Variants in DMTF1 observed in about 807,000 individuals in gnomAD.
DMTF1 encodes cyclin-D-binding Myb-like transcription factor 1.
Under a neutral mutation model 91.1 loss-of-function variants are expected in DMTF1, and 39 were observed. The ratio of observed to expected loss-of-function variants is 0.43; its 90% confidence interval spans 0.33 to 0.56. The LOEUF is 0.56. DMTF1 is among the 20% of genes least tolerant of loss of function. DMTF1 has a pLI of 0.05. For missense variants in DMTF1, 750 were observed against 914.5 expected, an observed-to-expected ratio of 0.82 and a Z score of 2.32; for synonymous variants, 338 against 309.5, an observed-to-expected ratio of 1.09 and a Z score of -0.97.
chr7:87,170,182 C>T (rs1794755424), intron 4 of DMTF1, among the ~76,000 whole-genome samples: 1 of 152,112 alleles, frequency 6.6e-6, no homozygotes, highest in Non-Finnish European at 1.5e-5. Flanking sequence ...TCTTTGTCTA[C>T]AAATCATAGT....
chr7:87,164,248 C>A (rs942541705), intron 2 of DMTF1: 1 of 152,086 alleles, frequency 6.6e-6, no homozygotes, highest in African/African-American at 2.4e-5. Flanking sequence ...CCTTTCCCCC[C>A]ACTAGCCATG....
intron 11 of DMTF1, among the ~76,000 whole-genome samples, chr7:87,185,480 GT>G (rs2129164481): frequency 6.6e-6 from 1 of 152,244 alleles, no homozygotes; most frequent in South Asian, 2.1e-4. Flanking sequence ...AAATGACTTA[GT>G]AAATGCCACA....
intron 7 of DMTF1, among the ~76,000 whole-genome samples, chr7:87,176,285 A>C (rs1430309129): frequency 1.3e-5 from 2 of 152,262 alleles, no homozygotes; most frequent in African/African-American, 4.8e-5. Flanking sequence ...ACAGAAATAC[A>C]GTGGCCATTG....
chr7:87,188,126 C>T lies in DMTF1; in HGVS notation c.1236C>T (p.Asn412=). ...AAGGTCTTAAACAGTTACATGAGAA[C>T]CAAAAAAACAACCCAACGCTTTTGG... is the stretch of plus-strand genomic sequence containing the variant. ...LIKGLKQLHE[N]QKNNPTLLEN... is the part of the protein sequence containing the mutation. Residue 412 remains asparagine, a synonymous_variant, in exon 13 of 18, where the codon AAC becomes AAT. Coordinates refer to ENST00000331242, the MANE Select transcript of DMTF1 (RefSeq NM_001142327.2). The T allele has an allele frequency of 6.2e-7, 1 of 1,613,738 alleles. No individual in the cohort carries two copies. The highest frequency in any genetic ancestry group is 8.5e-7 in the Non-Finnish European group (1 of 1,179,820).
At chr7:87,159,807 A>C (rs1170197505) in intron 1 of DMTF1, among the ~76,000 whole-genome samples, 1 of 152,262 alleles carries the variant, frequency 6.6e-6, no homozygotes, top group Non-Finnish European at 1.5e-5. Context: ...TACTGAGTAC[A>C]ATGTTAACAC....
intron 14 of DMTF1, among the ~76,000 whole-genome samples, chr7:87,191,459 C>T (rs549716523): frequency 6.6e-6 from 1 of 152,206 alleles, no homozygotes; most frequent in South Asian, 2.1e-4. Flanking sequence ...AGAGGTTAAG[C>T]ACAGTTACCA....
At chr7:87,164,054 TAAAAAAAAAAAAA>T (rs61634018) in intron 2 of DMTF1, among the ~76,000 whole-genome samples, 1 of 73,500 alleles carries the variant, frequency 1.4e-5, no homozygotes, top group East Asian at 4.1e-4. Flanking sequence ...ACGCCTTCTC[TAAAAAAAAAAAAA>T]AAAAAAAAAA....
chr7:87,185,698 C>T, intron 11 of DMTF1, 131 bp from the exon 12 acceptor site: 3 of 1,036,680 alleles, frequency 2.9e-6, no homozygotes, highest in Non-Finnish European at 4.3e-6. Flanking sequence ...TCCCGTGTAA[C>T]TTAACAATAG....
At chr7:87,184,305 G>T in intron 10 of DMTF1, 92 bp from the exon 11 acceptor site, 1 of 1,184,666 alleles carries the variant, frequency 8.4e-7, no homozygotes. Context: ...TAGTACTATT[G>T]CTTACTTCCT....
chr7:87,156,873 T>C (rs1382348007), intron 1 of DMTF1, among the ~76,000 whole-genome samples: 2 of 152,142 alleles, frequency 1.3e-5, no homozygotes, highest in East Asian at 3.8e-4. Flanking sequence ...TGGAGTTTTA[T>C]AATAACATAG....
At chr7:87,166,113 C>T (rs1296560176) in intron 3 of DMTF1, among the ~76,000 whole-genome samples, 1 of 152,196 alleles carries the variant, frequency 6.6e-6, no homozygotes, top group African/African-American at 2.4e-5. Flanking sequence ...TTACCTCCTG[C>T]CGCATTTCAT....
intron 1 of DMTF1, among the ~76,000 whole-genome samples, chr7:87,155,055 A>C (rs1790319823): frequency 6.6e-6 from 1 of 152,220 alleles, no homozygotes. Context: ...TGCTTCATTA[A>C]GTGCATTGGC....
chr7:87,177,193 T>G (rs1796436918), intron 7 of DMTF1, among the ~76,000 whole-genome samples: 1 of 152,230 alleles, frequency 6.6e-6, no homozygotes, highest in East Asian at 1.9e-4. Context: ...CTGGATATTC[T>G]GTAACTCAGT....
At position 87,196,158 on chromosome 7, in the gene DMTF1, A is replaced by T. The variant is rs1801180612; in HGVS notation, c.*1018A>T. 1 of 153,348 alleles carries T rather than the reference A, an allele frequency of 6.5e-6. No homozygotes were observed. Among genetic ancestry groups the T allele is most frequent in the East Asian group, 1.9e-4 (1 of 5,212 alleles). 9.5% of individuals were successfully genotyped at this position (153,348 alleles called of 1,614,324 possible). A position where few individuals can be genotyped will look rare whatever the true frequency, so the allele number is the denominator to read the frequency against. On this transcript the variant is annotated 3_prime_UTR_variant, in exon 18 of 18. Coordinates refer to ENST00000331242, the MANE Select transcript of DMTF1 (RefSeq NM_001142327.2). ...CCTATAGAAAAGTCAAGAAAAAAAA[A>T]CCCTTGTATAAATTATTTTATTTAT...
intron 5 of DMTF1, among the ~76,000 whole-genome samples, chr7:87,171,511 CTG>C (rs1795066766): frequency 3.9e-5 from 6 of 152,154 alleles, no homozygotes; most frequent in Non-Finnish European, 2.9e-5. Context: ...AGTTAATGTA[CTG>C]TGTCTCCTTC....
chr7:87,157,031 AAGAT>A (rs1790917084), intron 1 of DMTF1, among the ~76,000 whole-genome samples: 1 of 152,136 alleles, frequency 6.6e-6, no homozygotes, highest in Non-Finnish European at 1.5e-5. Flanking sequence ...AAAACAGTAA[AAGAT>A]AGGCATGCTG....
At chr7:87,158,160 G>A (rs1211188811) in intron 1 of DMTF1, among the ~76,000 whole-genome samples, 1 of 151,974 alleles carries the variant, frequency 6.6e-6, no homozygotes, top group Non-Finnish European at 1.5e-5. Flanking sequence ...AAAACGCACA[G>A]CATTTGTATT....
intron 1 of DMTF1, among the ~76,000 whole-genome samples, chr7:87,161,219 C>A (rs1179058791): frequency 1.3e-5 from 2 of 152,086 alleles, no homozygotes; most frequent in Non-Finnish European, 2.9e-5. Flanking sequence ...ATGACGGGAC[C>A]AGGCACATTG....
At chr7:87,154,668 G>GT (rs1790211397) in intron 1 of DMTF1, 1 of 152,468 alleles carries the variant, frequency 6.6e-6, no homozygotes, top group Non-Finnish European at 1.5e-5. Flanking sequence ...AAGTTTGGGC[G>GT]TTATGACTTG....
Sources: allele counts gnomAD v4.1 joint callset (sites outside exome capture counted in the v4.1 genomes callset), GRCh38; gene constraint gnomAD v4.1.1; transcripts MANE v1.5; gene names NCBI Gene and HGNC (gene_info 2026-07-23, HGNC 2026-07-21).